TRPM7: variants seen among roughly 807,000 people sequenced by gnomAD.
TRPM7 encodes LTRPC ion channel family member 7.
Under a neutral mutation model 229.7 loss-of-function variants are expected in TRPM7, and 134 were observed. The observed-to-expected ratio is 0.58, with a 90% CI of 0.51 to 0.67. The LOEUF (loss-of-function observed/expected upper bound fraction) is 0.67. Ranked by LOEUF, TRPM7 falls within the 30% of genes least tolerant of loss-of-function variation. The pLI, the probability that TRPM7 is intolerant of heterozygous loss-of-function variation, is 0.00. For synonymous variants in TRPM7, 699 were observed against 715.2 expected, an observed-to-expected ratio of 0.98 and a Z score of 0.36; for missense variants, 1,901 against 2,210.0, an observed-to-expected ratio of 0.86 and a Z score of 2.80.
chr15:50,584,707 G>A (rs1208945737), intron 28 of TRPM7, among the ~76,000 whole-genome samples: 1 of 151,384 alleles, frequency 6.6e-6, no homozygotes, highest in African/African-American at 2.4e-5. Flanking sequence ...GCTCCAATGA[G>A]CATTTCCTTT....
chr15:50,592,729 G>T, intron 25 of TRPM7, 103 bp from the exon 26 acceptor site: 1 of 751,026 alleles, frequency 1.3e-6, no homozygotes, highest in Non-Finnish European at 2.1e-6. Flanking sequence ...AATTTCACAT[G>T]CATTTAAACA....
chr15:50,582,980 AT>A, intron 29 of TRPM7, 108 bp downstream of exon 29: 4 of 760,746 alleles, frequency 5.3e-6, no homozygotes, highest in Non-Finnish European at 5.7e-6. Context: ...CTTAAGAAAA[AT>A]TTTTTTGAAT....
chr15:50,577,188 T>C (rs993993217), intron 31 of TRPM7, among the ~76,000 whole-genome samples: 3 of 152,030 alleles, frequency 2.0e-5, no homozygotes, highest in African/African-American at 4.8e-5. Flanking sequence ...TAATATGTCA[T>C]GTTAAGGAAG....
rs762739056 is a variant in TRPM7, at chr15:50,609,632, T to A, written c.2529A>T (p.Arg843=). ...QMKSKKLPIT[R]KFYAFYHAPI... is the part of the protein sequence containing the mutation. ...GTGCATGATAAAAGGCATAAAACTTTCGCGTAATTGGAAGCTTTTTTGATT... is the reference window on the plus strand; with the variant it reads ...GTGCATGATAAAAGGCATAAAACTTACGCGTAATTGGAAGCTTTTTTGATT... Residue 843 remains arginine (R), a synonymous_variant, in exon 19 of 39, where the codon CGA becomes CGT. Transcript: ENST00000646667. 6.2e-7 allele frequency: 1 copy of A among 1,612,650 alleles called. No individual in the cohort carries two copies. Among genetic ancestry groups the A allele is most frequent in the South Asian group, 1.1e-5 (1 of 90,604 alleles).
chr15:50,643,918 G>T (rs539981814), intron 4 of TRPM7, among the ~76,000 whole-genome samples: 1 of 147,048 alleles, frequency 6.8e-6, no homozygotes, highest in East Asian at 2.0e-4. Flanking sequence ...GGCTGAAGAG[G>T]ATCGGAAAAG....
At position 50,560,700 on chromosome 15, in the gene TRPM7, T is replaced by C. The variant is rs934759967; in HGVS notation, c.*978A>G. ...CATAATGATAATCCAACTGAATTAA[T>C]TTCTTAAGTACCACAAACAGCATTC... On this transcript the variant is annotated 3_prime_UTR_variant, in exon 39 of 39. Transcript: ENST00000646667. 6.6e-6 allele frequency: 1 copy of C among 152,624 alleles called. No homozygotes were observed. Among genetic ancestry groups the C allele is most frequent in the Non-Finnish European group, 1.5e-5 (1 of 68,032 alleles). The allele number at this position is 152,624 out of a possible 1,614,324, so 9.5% of individuals were successfully genotyped here. A position where few individuals can be genotyped will look rare whatever the true frequency, so the allele number is the denominator to read the frequency against.
In TRPM7 at chr15:50,631,401, G is replaced by A. The variant is rs2060726958; in HGVS notation, c.1204+16C>T. 2 of 1,570,532 alleles carry A rather than the reference G, an allele frequency of 1.3e-6. No individual in the cohort carries two copies. The highest frequency in any genetic ancestry group is 4.5e-5 in the East Asian group (2 of 44,484). On this transcript the variant is annotated intron_variant, in intron 10 of 38. Coordinates refer to ENST00000646667, the MANE Select transcript of TRPM7 (RefSeq NM_017672.6). Reference sequence around the variant, plus strand: ...AATAAAAGGTCTTACAAATAAAAAAGTTCTTAGAGGCTTACCTTTTAGCAG... The same window carrying A: ...AATAAAAGGTCTTACAAATAAAAAAATTCTTAGAGGCTTACCTTTTAGCAG...
At chr15:50,671,478 G>T (rs1455315810) in intron 1 of TRPM7, among the ~76,000 whole-genome samples, 1 of 152,098 alleles carries the variant, frequency 6.6e-6, no homozygotes, top group Non-Finnish European at 1.5e-5. Flanking sequence ...ATATTTAACA[G>T]TGGTCCCATA....
chr15:50,669,400 A>G (rs1224150523), intron 1 of TRPM7, among the ~76,000 whole-genome samples: 1 of 151,952 alleles, frequency 6.6e-6, no homozygotes, highest in Non-Finnish European at 1.5e-5. Context: ...ATGCCAGTGC[A>G]CTCCAGCCTG....
At chr15:50,586,828 C>G (rs1215088058) in intron 27 of TRPM7, among the ~76,000 whole-genome samples, 3 of 152,084 alleles carry the variant, frequency 2.0e-5, no homozygotes, top group Admixed American at 2.0e-4. Context: ...ACCATCTTGG[C>G]CAACATGGTG....
intron 4 of TRPM7, among the ~76,000 whole-genome samples, chr15:50,645,262 G>T (rs773695915): frequency 3.3e-5 from 5 of 152,270 alleles, no homozygotes; most frequent in Non-Finnish European, 7.4e-5. Flanking sequence ...GGCTGGTCTT[G>T]AACTCCCGGG....
Position 50,580,877 on chromosome 15 carries a change from T to C in TRPM7, c.4589A>G (p.Glu1530Gly). 6.3e-7 allele frequency: 1 copy of C among 1,584,864 alleles called. No individual in the cohort carries two copies. Reference protein sequence around the residue: ...DWLQDRPSNREMPSEEGTLNG... With the variant: ...DWLQDRPSNRGMPSEEGTLNG... Reference sequence around the variant, plus strand: ...TGGTAAGAAAAAGCTTACTTACATTTCTCTGTTTGATGGTCTATCTTGTAA... The same window carrying C: ...TGGTAAGAAAAAGCTTACTTACATTCCTCTGTTTGATGGTCTATCTTGTAA... Residue 1530 changes from glutamate to glycine, a missense_variant, in exon 30 of 39, where the codon GAA becomes GGA. Transcript: ENST00000646667.
At chr15:50,586,104 G>A (rs1001096212) in intron 28 of TRPM7, among the ~76,000 whole-genome samples, 1 of 152,172 alleles carries the variant, frequency 6.6e-6, no homozygotes. Flanking sequence ...ATTAAAACAT[G>A]ATACAGATGA....
intron 28 of TRPM7, among the ~76,000 whole-genome samples, chr15:50,585,867 A>G (rs2059328322): frequency 6.6e-6 from 1 of 152,246 alleles, no homozygotes; most frequent in African/African-American, 2.4e-5. Context: ...GGTACAAGGC[A>G]ACATGTATTG....
At chr15:50,641,031 G>C (rs777740659) in intron 5 of TRPM7, among the ~76,000 whole-genome samples, 1 of 152,194 alleles carries the variant, frequency 6.6e-6, no homozygotes, top group Non-Finnish European at 1.5e-5. Context: ...GCATCACTCA[G>C]TTTGATCTCC....
chr15:50,663,526 C>G (rs1459604997), intron 1 of TRPM7, among the ~76,000 whole-genome samples: 2 of 152,056 alleles, frequency 1.3e-5, no homozygotes, highest in Non-Finnish European at 2.9e-5. Context: ...CATTTAAATC[C>G]CAAGTGACCT....
chr15:50,609,047 A>G (rs995020988), intron 19 of TRPM7, among the ~76,000 whole-genome samples: 3 of 152,230 alleles, frequency 2.0e-5, no homozygotes, highest in African/African-American at 7.2e-5. Context: ...CTGCTAGTAA[A>G]ATCAATTTTT....
At chr15:50,585,891 G>A (rs2059328888) in intron 28 of TRPM7, among the ~76,000 whole-genome samples, 1 of 152,278 alleles carries the variant, frequency 6.6e-6, no homozygotes, top group East Asian at 1.9e-4. Flanking sequence ...GTGACCTTTT[G>A]TGTAAAAAAT....
intron 3 of TRPM7, among the ~76,000 whole-genome samples, chr15:50,653,052 A>G (rs986564799): frequency 7.2e-5 from 11 of 152,134 alleles, no homozygotes; most frequent in African/African-American, 2.7e-4. Context: ...TTGGGAAGCT[A>G]AAGGGAAAAG....
Sources: gnomAD v4.1 joint callset for allele counts (sites outside exome capture counted in the v4.1 genomes callset) on GRCh38, gnomAD v4.1.1 for gene constraint, MANE v1.5 for transcripts, NCBI Gene and HGNC (gene_info 2026-07-23, HGNC 2026-07-21) for gene names.